Variants in TOM1L2 observed in about 807,000 individuals in gnomAD.
The protein encoded by TOM1L2 is TOM1-like protein 2.
In TOM1L2, 31 loss-of-function variants were observed where a neutral mutation model predicts 67.9. The ratio of observed to expected loss-of-function variants is 0.46; its 90% CI spans 0.34 to 0.62. TOM1L2 has a LOEUF of 0.62. TOM1L2 is among the 20% of genes least tolerant of loss of function. The pLI, the probability that TOM1L2 is intolerant of heterozygous loss-of-function variation, is 0.01. For missense variants in TOM1L2, 606 were observed against 663.5 expected (o/e 0.91, Z 0.95); for synonymous variants, 256 against 254.0 (o/e 1.01, Z -0.07).
intron 1 of TOM1L2, among the ~76,000 whole-genome samples, chr17:17,928,503 A>G (rs1446572380): frequency 6.6e-6 from 1 of 152,266 alleles, no homozygotes; most frequent in East Asian, 1.9e-4. Flanking sequence ...AAGGGTCAAA[A>G]GAGAACACAG....
intron 1 of TOM1L2, among the ~76,000 whole-genome samples, chr17:17,938,393 T>C (rs1000862955): frequency 6.6e-6 from 1 of 152,176 alleles, no homozygotes; most frequent in African/African-American, 2.4e-5. Flanking sequence ...TTGATTTCAC[T>C]GCAGTGGCCT....
rs117929409 is a variant in TOM1L2, at chr17:17,861,524, G to A, written c.1230C>T (p.Val410=). 1.6e-5 allele frequency: 26 copies of A among 1,613,934 alleles called. No individual in the cohort carries two copies. Among genetic ancestry groups the A allele is most frequent in the East Asian group, 2.2e-5 (1 of 44,896 alleles). The change falls in exon 12 of 15, where the codon GTC becomes GTT. Residue 410 remains valine (V), a synonymous_variant. Transcript: ENST00000379504. ...TGTCTAGTGCAGAAGCAAGTCCTCC[G>A]ACAGCCTGAGGATCCTCATAGGTTA... ...KTVTYEDPQA[V]GGLASALDNR... is the part of the protein sequence containing the mutation.
intron 4 of TOM1L2, among the ~76,000 whole-genome samples, chr17:17,885,476 TGCCAAAAATGTCA>T (rs2037947172): frequency 6.6e-6 from 1 of 152,224 alleles, no homozygotes; most frequent in Non-Finnish European, 1.5e-5. Flanking sequence ...TGATGTCCGC[TGCCAAAAATGTCA>T]GCACATGTGT....
chr17:17,869,375 G>A lies in TOM1L2; in HGVS notation c.876C>T (p.Asn292=), dbSNP rs375139801. Residue 292 remains asparagine (N), a synonymous_variant, in exon 8 of 15, where the codon AAC becomes AAT. Coordinates refer to ENST00000379504, the MANE Select transcript of TOM1L2 (RefSeq NM_001082968.2). ...EEVTEELLHV[N]DDLNNVFLRY... ...GAAGGAAGACGTTGTTGAGGTCATC[G>A]TTCACATGCAGCAGCTCCTCGGTGA... 27 of 1,612,556 alleles carry A rather than the reference G, an allele frequency of 1.7e-5. No individual in the cohort carries two copies. The highest frequency in any genetic ancestry group is 1.3e-4 in the South Asian group (12 of 91,018).
intron 2 of TOM1L2, among the ~76,000 whole-genome samples, chr17:17,899,768 T>C (rs567284073): frequency 6.6e-6 from 1 of 152,366 alleles, no homozygotes; most frequent in East Asian, 1.9e-4. Flanking sequence ...TATACTGGTC[T>C]TTCCCAGCTT....
At chr17:17,919,859 A>AC (rs1241914285) in intron 1 of TOM1L2, among the ~76,000 whole-genome samples, 1 of 151,812 alleles carries the variant, frequency 6.6e-6, no homozygotes. Context: ...CTACCATCCC[A>AC]CGCCCCAGCC....
intron 1 of TOM1L2, among the ~76,000 whole-genome samples, chr17:17,953,958 T>A (rs1047215817): frequency 6.6e-6 from 1 of 152,226 alleles, no homozygotes; most frequent in African/African-American, 2.4e-5. Flanking sequence ...AGGACAGGCA[T>A]AGGACAGGGC....
intron 1 of TOM1L2, among the ~76,000 whole-genome samples, chr17:17,943,206 C>G (rs1022367006): frequency 7.2e-5 from 11 of 152,326 alleles, no homozygotes; most frequent in African/African-American, 2.6e-4. Context: ...AAGGCAGAAG[C>G]AGGTCTCAAA....
intron 4 of TOM1L2, among the ~76,000 whole-genome samples, chr17:17,885,523 A>T (rs374135516): frequency 7.2e-5 from 11 of 152,220 alleles, no homozygotes; most frequent in East Asian, 5.8e-4. Context: ...AATCCCAAGA[A>T]AAGCACAATC....
chr17:17,873,567 G>A (rs865802380), intron 7 of TOM1L2, among the ~76,000 whole-genome samples: 11 of 152,230 alleles, frequency 7.2e-5, no homozygotes, highest in Admixed American at 2.6e-4. Flanking sequence ...GTAGACTGCA[G>A]GAAGTGTCTC....
At chr17:17,860,390 G>A (rs1015763634) in intron 12 of TOM1L2, among the ~76,000 whole-genome samples, 1 of 152,220 alleles carries the variant, frequency 6.6e-6, no homozygotes, top group Admixed American at 6.5e-5. Context: ...GCTCTTCTGC[G>A]CCCTCTGGTG....
rs2040358780 is a variant in TOM1L2, at chr17:17,932,081, C to T, written c.53-24550G>A. Among the ~76,000 whole-genome samples the T allele has an allele frequency of 2.6e-5, 4 of 152,140 alleles. No individual in the cohort carries two copies. The South Asian group carries it at 8.3e-4, about 31-fold the overall frequency. The stretch of plus-strand genomic sequence containing the variant: ...GAATATTGTGAGTTCTAATAACTCA[C>T]AGGAGACTATTCTAGTACTTACCAG... On this transcript the variant is annotated intron_variant, in intron 1 of 14. Coordinates refer to ENST00000379504, the MANE Select transcript of TOM1L2 (RefSeq NM_001082968.2).
intron 1 of TOM1L2, among the ~76,000 whole-genome samples, chr17:17,915,713 G>A (rs1037652505): frequency 6.6e-6 from 1 of 152,022 alleles, no homozygotes; most frequent in African/African-American, 2.4e-5. Flanking sequence ...GTAGAGATGG[G>A]GTCTTGCTAT....
chr17:17,869,297 T>C (rs2037019714), intron 8 of TOM1L2, 43 bp downstream of exon 8: 1 of 1,590,018 alleles, frequency 6.3e-7, no homozygotes, highest in South Asian at 1.1e-5. Flanking sequence ...ATGGCAACAA[T>C]CTTTTCAAGG....
chr17:17,925,682 CAAAAAAAAAA>C (rs1193121320), intron 1 of TOM1L2, among the ~76,000 whole-genome samples: 1 of 79,738 alleles, frequency 1.3e-5, no homozygotes, highest in Non-Finnish European at 2.5e-5. Flanking sequence ...TCGTGTCTAC[CAAAAAAAAAA>C]AAAAAAAAAA....
rs1222617978 is a variant in TOM1L2, at chr17:17,861,466, A to G, written c.1278+10T>C. 1 of 1,613,204 alleles carries G rather than the reference A, an allele frequency of 6.2e-7. No individual in the cohort carries two copies. The highest frequency in any genetic ancestry group is 8.5e-7 in the Non-Finnish European group (1 of 1,179,464). ...AGACTCCAGGCAGAAAAACAGGGTT[A>G]AAGACCTACCCCTTCTGAACTCTGT... On this transcript the variant is annotated intron_variant, in intron 12 of 14. Coordinates refer to ENST00000379504, the MANE Select transcript of TOM1L2 (RefSeq NM_001082968.2).
Position 17,843,721 on chromosome 17 carries a change from C to CT in TOM1L2, c.*3913_*3914insA, listed in dbSNP as rs2035500941. ...ACGAGTGGACAGCAAACGCGACATTCAACACATTCCTCTTTTCAGTAGCCC... is the reference window on the plus strand; with the variant it reads ...ACGAGTGGACAGCAAACGCGACATTCTAACACATTCCTCTTTTCAGTAGCCC... On this transcript the variant is annotated 3_prime_UTR_variant, in exon 15 of 15. Transcript: ENST00000379504. 1 of 152,502 alleles carries CT rather than the reference C, an allele frequency of 6.6e-6. No individual in the cohort carries two copies. Among genetic ancestry groups the CT allele is most frequent in the Non-Finnish European group, 1.5e-5 (1 of 68,050 alleles). The allele number at this position is 152,502 out of a possible 1,614,324, so 9.4% of individuals were successfully genotyped here.
At chr17:17,899,872 A>T (rs1308147579) in intron 2 of TOM1L2, among the ~76,000 whole-genome samples, 2 of 152,204 alleles carry the variant, frequency 1.3e-5, no homozygotes, top group Non-Finnish European at 2.9e-5. Flanking sequence ...TGTATGAGGA[A>T]GTTGAGGAGG....
chr17:17,898,821 C>A, intron 2 of TOM1L2, 147 bp from the exon 3 acceptor site: 1 of 726,612 alleles, frequency 1.4e-6, no homozygotes, highest in South Asian at 1.6e-5. Flanking sequence ...ACTGAATGTC[C>A]ATCAATACAC....
Sources: allele counts gnomAD v4.1 joint callset (sites outside exome capture counted in the v4.1 genomes callset), GRCh38; gene constraint gnomAD v4.1.1; transcripts MANE v1.5; gene names NCBI Gene and HGNC (gene_info 2026-07-23, HGNC 2026-07-21).